The following BAIAP2 variants were observed in gnomAD, a reference collection of about 807,000 sequenced individuals.
BAIAP2 encodes the protein BAR/IMD domain containing adaptor protein 2.
BAIAP2 carries 18 observed loss-of-function variants against 63.0 expected under a neutral mutation model. The observed-to-expected ratio is 0.29, with a 90% CI of 0.20 to 0.42. The LOEUF (loss-of-function observed/expected upper bound fraction) is 0.42. Ranked by LOEUF, BAIAP2 falls within the 10% of genes least tolerant of loss-of-function variation. The probability of loss-of-function intolerance (pLI) is 1.00; values close to 1 mark genes in which losing one functional copy is unlikely to be tolerated. For synonymous variants in BAIAP2, 386 were observed against 307.6 expected (o/e 1.25, Z -2.67); for missense variants, 610 against 734.3 (o/e 0.83, Z 1.96).
intron 6 of BAIAP2, among the ~76,000 whole-genome samples, chr17:81,092,594 T>C (rs1310600291): frequency 6.6e-6 from 1 of 152,090 alleles, no homozygotes; most frequent in Non-Finnish European, 1.5e-5. Context: ...TGAAAAGAAG[T>C]AATTTTAGTT....
intron 13 of BAIAP2, chr17:81,109,897 G>GGGCCC: frequency 1.0e-6 from 1 of 985,474 alleles, no homozygotes; most frequent in Non-Finnish European, 1.2e-6. Context: ...TGTGCGGGCC[G>GGGCCC]GGCCCGGCTG....
intron 10 of BAIAP2, 54 bp from the exon 11 acceptor site, chr17:81,106,024 G>A (rs1598813064): frequency 6.7e-7 from 1 of 1,498,736 alleles, no homozygotes; most frequent in East Asian, 2.4e-5. Flanking sequence ...TGGTCGGTGG[G>A]GGATGGGGAG....
intron 3 of BAIAP2, among the ~76,000 whole-genome samples, chr17:81,069,523 C>T (rs1212934366): frequency 6.6e-6 from 1 of 152,216 alleles, no homozygotes; most frequent in Non-Finnish European, 1.5e-5. Flanking sequence ...GGACTCTGGG[C>T]AGCTGGGGTC....
In BAIAP2 at chr17:81,104,022, C is replaced by A. The variant is rs528172800; in HGVS notation, c.980C>A (p.Pro327Gln). ...KAAQPKSLSP[P>Q]QSQSKLSDSY... ...GCCCAGCCCAAATCCCTGTCTCCTC[C>A]GCAGTCTCAGAGCAAGCTCAGCGAC... Residue 327 changes from proline (P) to glutamine (Q), a missense_variant, in exon 9 of 14, where the codon CCG (proline) becomes CAG (glutamine). Physicochemically the swap from Pro to Gln is moderately conservative, Grantham distance 76 (BLOSUM62 -1). Around this residue, in one of 5 missense-constraint regions of BAIAP2, gnomAD observed 389 missense variants for 455.6 expected, o/e 0.85. Coordinates refer to ENST00000428708, the MANE Select transcript of BAIAP2 (RefSeq NM_001144888.2). 3.7e-6 allele frequency: 6 copies of A among 1,613,276 alleles called. No homozygotes were observed. The highest frequency in any genetic ancestry group is 1.1e-5 in the South Asian group (1 of 91,086).
intron 3 of BAIAP2, among the ~76,000 whole-genome samples, chr17:81,076,748 C>T (rs1457054364): frequency 6.6e-6 from 1 of 152,166 alleles, no homozygotes; most frequent in African/African-American, 2.4e-5. Context: ...TTTGGGAGTC[C>T]ACTTGATCCC....
chr17:81,071,860 G>A (rs2144819793), intron 3 of BAIAP2, among the ~76,000 whole-genome samples: 1 of 152,388 alleles, frequency 6.6e-6, no homozygotes, highest in East Asian at 1.9e-4. Context: ...CCTTGTGGGT[G>A]GCCGGTCCCC....
At chr17:81,072,860 G>A (rs1052459488) in intron 3 of BAIAP2, among the ~76,000 whole-genome samples, 8 of 152,004 alleles carry the variant, frequency 5.3e-5, no homozygotes, top group Admixed American at 2.6e-4. Flanking sequence ...CTCTGGGGCC[G>A]GGCTGTCCCG....
Position 81,085,737 on chromosome 17 carries a change from C to A in BAIAP2, c.351+12C>A, listed in dbSNP as rs1412567458. ...CCAGGTATCTGAGTGTAAGTGCACC[C>A]TGGCCGTGCCTGCTGGGCCCTGTGC... On this transcript the variant is annotated intron_variant, in intron 5 of 13. Coordinates refer to ENST00000428708, the MANE Select transcript of BAIAP2 (RefSeq NM_001144888.2). 3.1e-6 allele frequency: 5 copies of A among 1,609,304 alleles called. No homozygotes were observed.
intron 13 of BAIAP2, chr17:81,109,948 C>G: frequency 4.1e-6 from 4 of 985,420 alleles, no homozygotes; most frequent in Non-Finnish European, 4.8e-6. Flanking sequence ...ACGCCCCCCA[C>G]CTGGGGGAAA....
At chr17:81,074,882 A>G (rs556151572) in intron 3 of BAIAP2, among the ~76,000 whole-genome samples, 1 of 152,360 alleles carries the variant, frequency 6.6e-6, no homozygotes, top group Admixed American at 6.5e-5. Context: ...ACCGCCAGGG[A>G]ACCTCGGCGA....
chr17:81,106,216 C>T (rs2059166150), intron 11 of BAIAP2, 70 bp downstream of exon 11: 1 of 1,482,846 alleles, frequency 6.7e-7, no homozygotes, highest in African/African-American at 1.4e-5. Context: ...CACCAGGTCC[C>T]TGGGCTTGGA....
intron 1 of BAIAP2, among the ~76,000 whole-genome samples, chr17:81,038,703 G>A (rs1355736536): frequency 6.6e-6 from 1 of 152,254 alleles, no homozygotes; most frequent in Non-Finnish European, 1.5e-5. Flanking sequence ...CATGTGCTGG[G>A]TGGCAGGGAG....
At chr17:81,044,955 G>C (rs575265438) in intron 1 of BAIAP2, among the ~76,000 whole-genome samples, 1 of 152,338 alleles carries the variant, frequency 6.6e-6, no homozygotes, top group South Asian at 2.1e-4. Context: ...CAGGGTGGCT[G>C]GACATTGGAA....
chr17:81,041,320 G>A (rs1369683967), intron 1 of BAIAP2, among the ~76,000 whole-genome samples: 2 of 152,204 alleles, frequency 1.3e-5, no homozygotes, highest in Non-Finnish European at 2.9e-5. Flanking sequence ...CCCAGGTCAG[G>A]TGGCACCAGC....
chr17:81,052,161 T>C lies in BAIAP2; in HGVS notation c.55-1507T>C, dbSNP rs2048774305. On this transcript the variant is annotated intron_variant, in intron 1 of 13. Coordinates refer to ENST00000428708, the MANE Select transcript of BAIAP2 (RefSeq NM_001144888.2). ...GTCCTGCTTTCCCAGGAACTCACCA[T>C]GGGCCCTGCCTCGGGGCCTTTGCCC... Among the ~76,000 whole-genome samples the C allele has an allele frequency of 2.0e-5, 3 of 152,192 alleles. No homozygotes were observed. The South Asian group carries it at 6.2e-4, about 31-fold the overall frequency.
Position 81,117,366 on chromosome 17 carries a change from T to TCAAA in BAIAP2, c.*1532_*1535dup, listed in dbSNP as rs113732265. 3.3e-5 allele frequency: 5 copies of TCAAA among 152,424 alleles called. No individual in the cohort carries two copies. Among genetic ancestry groups the TCAAA allele is most frequent in the Admixed American group, 1.3e-4 (2 of 15,304 alleles). 9.4% of individuals were successfully genotyped at this position (152,424 alleles called of 1,614,324 possible). On this transcript the variant is annotated 3_prime_UTR_variant, in exon 14 of 14. Coordinates refer to ENST00000428708, the MANE Select transcript of BAIAP2 (RefSeq NM_001144888.2). ...AAACATTGCACCAGCGTTCTAAGCCTCAAACAAAACACAAAACAAATCCCC... is the reference window on the plus strand; with the variant it reads ...AAACATTGCACCAGCGTTCTAAGCCTCAAACAAACAAAACACAAAACAAATCCCC...
rs969561982 is a variant in BAIAP2 at position 81,096,791 on chromosome 17, A to G, written c.490-3137A>G. Among the ~76,000 whole-genome samples the G allele has an allele frequency of 9.8e-5, 15 of 152,350 alleles. No homozygotes were observed. In the East Asian group the frequency reaches 1.9e-3, roughly 20 times the overall value. On this transcript the variant is annotated intron_variant, in intron 6 of 13. Transcript: ENST00000428708. Reference sequence around the variant, plus strand: ...TCCCCAGGCCCCAGGGTACCCCTGAATCTGGCTGTCGCACTCTACCCCTTC... The same window carrying G: ...TCCCCAGGCCCCAGGGTACCCCTGAGTCTGGCTGTCGCACTCTACCCCTTC...
At chr17:81,110,568 C>T in intron 13 of BAIAP2, 1 of 1,168,156 alleles carries the variant, frequency 8.6e-7, no homozygotes, top group East Asian at 4.1e-5. Context: ...GCCGTGGGGG[C>T]CCCGCCTTGT....
At chr17:81,086,330 C>T in intron 5 of BAIAP2, 113 bp from the exon 6 acceptor site, 2 of 1,297,042 alleles carry the variant, frequency 1.5e-6, no homozygotes, top group Admixed American at 2.0e-5. Flanking sequence ...AGTGGCAGGG[C>T]TGGCAAGGGG....
Sources: allele counts gnomAD v4.1 joint callset (sites outside exome capture counted in the v4.1 genomes callset), GRCh38; gene constraint gnomAD v4.1.1; regional missense constraint gnomAD v4.1.1; transcripts MANE v1.5; gene names NCBI Gene and HGNC (gene_info 2026-07-23, HGNC 2026-07-21).